Variants in CPAMD8 observed in about 807,000 individuals in gnomAD.
CPAMD8 encodes C3 and PZP-like alpha-2-macroglobulin domain-containing protein 8.
In CPAMD8, 146 loss-of-function variants were observed where a neutral mutation model predicts 224.7. That is an observed-to-expected ratio of 0.65 (90% CI 0.57 to 0.75). The LOEUF (loss-of-function observed/expected upper bound fraction) is 0.75, where lower values mean the gene tolerates loss of function less well. Ranked by LOEUF, CPAMD8 falls within the 30% of genes least tolerant of loss-of-function variation. The pLI is 0.00. For synonymous variants in CPAMD8, 966 were observed against 1,044.6 expected (o/e 0.92, Z 1.45); for missense variants, 2,301 against 2,537.5 (o/e 0.91, Z 2.00).
chr19:16,964,151 A>C (rs1428058866), intron 18 of CPAMD8, among the ~76,000 whole-genome samples: 1 of 152,098 alleles, frequency 6.6e-6, no homozygotes, highest in Admixed American at 6.6e-5. Flanking sequence ...AGAGCAAACA[A>C]ATTCAAAAGC....
chr19:16,904,176 A>AGGCCCCCCCCCCCCCCCCCCGCCCCAC, intron 32 of CPAMD8, 50 bp downstream of exon 32: 1 of 937,340 alleles, frequency 1.1e-6, no homozygotes, highest in African/African-American at 1.6e-5. Flanking sequence ...GACTGCAGGG[A>AGGCCCCCCCCCCCCCCCCCCGCCCCAC]CCCCACCCAC....
At chr19:16,930,028 G>C in intron 23 of CPAMD8, among the ~76,000 whole-genome samples, 1 of 152,118 alleles carries the variant, frequency 6.6e-6, no homozygotes, top group South Asian at 2.1e-4. Context: ...GCTGAGGCAG[G>C]TGGACCACCT....
At chr19:16,920,855 C>CAAA (rs200039066) in intron 27 of CPAMD8, among the ~76,000 whole-genome samples, 12 of 119,060 alleles carry the variant, frequency 1.0e-4, no homozygotes, top group African/African-American at 4.3e-4. Flanking sequence ...GACTCTATCT[C>CAAA]AAAAAAAAAA....
Position 16,928,156 on chromosome 19 carries a change from T to C in CPAMD8, c.3223A>G (p.Ile1075Val), listed in dbSNP as rs1452314453. ...GAGCCCCAGCCGGTGGAAAAGCCAA[T>C]GAACTGGACCTCTGGTGGCCTCGGG... Reference protein sequence around the residue: ...TLPRPPEVQFIGFSTGWGSMG... With the variant: ...TLPRPPEVQFVGFSTGWGSMG... Residue 1075 changes from isoleucine (I) to valine (V), a missense_variant, in exon 25 of 42, where the codon ATT becomes GTT. Ile to Val is a conservative substitution (Grantham distance 29). Transcript: ENST00000443236. 7 of 1,614,170 alleles carry C rather than the reference T, an allele frequency of 4.3e-6. No individual in the cohort carries two copies. Among genetic ancestry groups the C allele is most frequent in the Non-Finnish European group, 5.1e-6 (6 of 1,180,036 alleles).
chr19:16,975,360 C>T (rs943090730), intron 16 of CPAMD8, 102 bp from the exon 17 acceptor site: 31 of 891,336 alleles, frequency 3.5e-5, no homozygotes, highest in East Asian at 5.3e-5. Context: ...CTCTTTATCA[C>T]GTCATGACAA....
At chr19:16,994,126 GA>G (rs1157584876) in intron 11 of CPAMD8, among the ~76,000 whole-genome samples, 1 of 152,112 alleles carries the variant, frequency 6.6e-6, no homozygotes, top group Non-Finnish European at 1.5e-5. Context: ...AGTTTTAAAT[GA>G]AGTTGCATCC....
At chr19:16,964,644 T>C (rs1466764946) in intron 18 of CPAMD8, among the ~76,000 whole-genome samples, 2 of 152,180 alleles carry the variant, frequency 1.3e-5, no homozygotes, top group African/African-American at 4.8e-5. Flanking sequence ...CTTCTGAAAC[T>C]ATTCTAATCA....
At chr19:16,973,196 G>T (rs947273320) in intron 17 of CPAMD8, among the ~76,000 whole-genome samples, 2 of 151,926 alleles carry the variant, frequency 1.3e-5, no homozygotes, top group African/African-American at 4.8e-5. Context: ...AGATTTTTTT[G>T]TTTGTTTGTT....
intron 17 of CPAMD8, among the ~76,000 whole-genome samples, chr19:16,971,302 G>A (rs147719510): frequency 8.4e-4 from 128 of 152,266 alleles, no homozygotes; most frequent in African/African-American, 2.9e-3. Flanking sequence ...CCAGGTTCAC[G>A]CCTATCTCCT....
At chr19:16,895,072 C>A (rs868519921) in intron 41 of CPAMD8, 30 of 154,772 alleles carry the variant, frequency 1.9e-4, no homozygotes, top group Admixed American at 1.4e-3. Context: ...ATGACCACGC[C>A]ACTACACTCC....
chr19:16,927,780 A>T (rs2053415385), intron 25 of CPAMD8, among the ~76,000 whole-genome samples: 1 of 152,216 alleles, frequency 6.6e-6, no homozygotes, highest in Non-Finnish European at 1.5e-5. Context: ...CACCTGGACT[A>T]GGAGTCCCTC....
At chr19:16,893,448 G>T (rs2051838196) in intron 41 of CPAMD8, 109 bp from the exon 42 acceptor site, 1 of 721,478 alleles carries the variant, frequency 1.4e-6, no homozygotes, top group Non-Finnish European at 2.2e-6. Context: ...CAGGGGTGGG[G>T]AACCCACCGG....
chr19:16,938,715 C>T (rs565056153), intron 22 of CPAMD8, among the ~76,000 whole-genome samples: 6 of 152,294 alleles, frequency 3.9e-5, no homozygotes, highest in Admixed American at 1.3e-4. Context: ...CTAAACTTGT[C>T]ATGGGGCCCA....
At chr19:16,962,194 A>G (rs1477780784) in intron 18 of CPAMD8, among the ~76,000 whole-genome samples, 2 of 152,230 alleles carry the variant, frequency 1.3e-5, no homozygotes, top group Admixed American at 6.5e-5. Flanking sequence ...AATGACTTTG[A>G]CAAATTGACA....
chr19:16,950,529 C>G (rs2054264864), intron 20 of CPAMD8, among the ~76,000 whole-genome samples: 1 of 152,098 alleles, frequency 6.6e-6, no homozygotes, highest in Non-Finnish European at 1.5e-5. Flanking sequence ...TGGCTCATGC[C>G]TGTAATCCCA....
At chr19:16,937,063 G>GCCTT (rs34510069) in intron 23 of CPAMD8, among the ~76,000 whole-genome samples, 54,348 of 131,834 alleles carry the variant, frequency 0.41, 10,936 homozygotes, top group Admixed American at 0.47. Context: ...CTTCCCTCCT[G>GCCTT]CCTTCCTTCC....
Position 17,022,087 on chromosome 19 carries a change from G to A in CPAMD8, c.187C>T (p.Gln63Ter). The A allele has an allele frequency of 1.2e-6, 2 of 1,605,702 alleles. No homozygotes were observed. Among genetic ancestry groups the A allele is most frequent in the Non-Finnish European group, 1.7e-6 (2 of 1,176,146 alleles). ...IFNSPREVTV[Q>*]AQLVAQGEPV... ...TCACCCTGGGCCACCAGCTGAGCCTGGACCGTGACTTCCCTTGGAGAGTTA... is the reference window on the plus strand; with the variant it reads ...TCACCCTGGGCCACCAGCTGAGCCTAGACCGTGACTTCCCTTGGAGAGTTA... Residue 63 changes from glutamine (Q) to a stop codon, truncating the protein, a stop_gained, in exon 2 of 42, where the codon CAG (glutamine) becomes TAG (stop). Coordinates refer to ENST00000443236, the MANE Select transcript of CPAMD8 (RefSeq NM_015692.5). LOFTEE classifies it high-confidence loss of function.
At position 16,941,863 on chromosome 19, in the gene CPAMD8, T is replaced by C. The variant is rs142044559; in HGVS notation, c.2794-3417A>G. ...TGGCAGGTGCCTGCAATCCCAGCTA[T>C]TCGGGAGGCTGAGGCAGGAGACTCG... On this transcript the variant is annotated intron_variant, in intron 22 of 41. Coordinates refer to ENST00000443236, the MANE Select transcript of CPAMD8 (RefSeq NM_015692.5). Among the ~76,000 whole-genome samples, 805 of 152,124 alleles carry C rather than the reference T, an allele frequency of 5.3e-3. 2 individuals carry two copies. The highest frequency in any genetic ancestry group is 7.9e-3 in the Admixed American group (121 of 15,272).
chr19:16,948,538 G>A (rs1210183850), intron 20 of CPAMD8, among the ~76,000 whole-genome samples: 1 of 151,966 alleles, frequency 6.6e-6, no homozygotes, highest in Non-Finnish European at 1.5e-5. Flanking sequence ...CCTGAGGTCA[G>A]GAGTTTGACA....
Sources: gnomAD v4.1 joint callset for allele counts (sites outside exome capture counted in the v4.1 genomes callset) on GRCh38, gnomAD v4.1.1 for gene constraint, MANE v1.5 for transcripts, NCBI Gene and HGNC (gene_info 2026-07-23, HGNC 2026-07-21) for gene names.